Variants in FAM161B observed in about 807,000 individuals in gnomAD.
FAM161B encodes protein FAM161B.
Under a neutral mutation model 61.5 loss-of-function variants are expected in FAM161B, and 46 were observed. That is an observed-to-expected ratio of 0.75 (90% CI 0.59 to 0.96). FAM161B has a LOEUF of 0.96. FAM161B is among the 40% of genes least tolerant of loss of function. The pLI is 0.00. For missense variants in FAM161B, 774 were observed against 800.7 expected (o/e 0.97, Z 0.40); for synonymous variants, 284 against 302.7 (o/e 0.94, Z 0.64).
At chr14:73,939,223 CG>C (rs1644416907) in intron 5 of FAM161B, among the ~76,000 whole-genome samples, 1 of 151,960 alleles carries the variant, frequency 6.6e-6, no homozygotes, top group African/African-American at 2.4e-5. Context: ...TCACTAAACC[CG>C]GGAGGCAGAG....
chr14:73,935,516 G>T (rs1056291636), intron 8 of FAM161B, among the ~76,000 whole-genome samples: 1 of 147,450 alleles, frequency 6.8e-6, no homozygotes, highest in Non-Finnish European at 1.5e-5. Context: ...GCAACAGAGT[G>T]AGACTCTGTC....
chr14:73,935,309 C>T (rs559492625), intron 8 of FAM161B, among the ~76,000 whole-genome samples: 3 of 152,044 alleles, frequency 2.0e-5, no homozygotes, highest in East Asian at 1.9e-4. Context: ...GGGTAGATCA[C>T]GAGGTGAGGA....
Position 73,944,833 on chromosome 14 carries a change from G to T in FAM161B, c.427C>A (p.Pro143Thr). 1 of 1,538,446 alleles carries T rather than the reference G, an allele frequency of 6.5e-7. No individual in the cohort carries two copies. The part of the protein sequence containing the change: ...SSLNNLPSNI[P>T]RPQTQPPSGS... Reference sequence around the variant, plus strand: ...GAGGGTGGCTGGGTCTGAGGCCTGGGAATGTTGGAGGGAAGGTTGTTCAGG... The same window carrying T: ...GAGGGTGGCTGGGTCTGAGGCCTGGTAATGTTGGAGGGAAGGTTGTTCAGG... Residue 143 changes from proline (P) to threonine (T), a missense_variant, in exon 3 of 9, where the codon CCC (proline) becomes ACC (threonine). Physicochemically the swap from Pro to Thr is conservative, Grantham distance 38. Coordinates refer to ENST00000286544, the MANE Select transcript of FAM161B (RefSeq NM_152445.3).
intron 3 of FAM161B, among the ~76,000 whole-genome samples, chr14:73,944,054 C>T (rs1242270709): frequency 6.6e-6 from 1 of 152,214 alleles, no homozygotes; most frequent in Non-Finnish European, 1.5e-5. Flanking sequence ...TCTATTCCTG[C>T]ACCTGTGCTG....
At chr14:73,939,306 A>AAT (rs376446109) in intron 5 of FAM161B, among the ~76,000 whole-genome samples, 3 of 152,214 alleles carry the variant, frequency 2.0e-5, no homozygotes, top group African/African-American at 4.8e-5. Flanking sequence ...CTCGAAAAAA[A>AAT]ATATATATAT....
intron 4 of FAM161B, 53 bp from the exon 5 acceptor site, chr14:73,941,106 ATCTTT>A: frequency 1.7e-6 from 2 of 1,207,116 alleles, no homozygotes; most frequent in Non-Finnish European, 2.2e-6. Flanking sequence ...ATTAGTTTCT[ATCTTT>A]TTTTTTTTTT....
downstream of FAM161B, among the ~76,000 whole-genome samples, chr14:73,930,703 A>G (rs1466024319): frequency 6.6e-6 from 1 of 152,132 alleles, no homozygotes; most frequent in Non-Finnish European, 1.5e-5. Context: ...CCTGGGCTCA[A>G]GTGATCCTCC....
Position 73,932,800 on chromosome 14 carries a change from G to T in FAM161B, c.*1456C>A, listed in dbSNP as rs113089949. 119 of 214,178 alleles carry T rather than the reference G, an allele frequency of 5.6e-4. 1 individual carries two copies. In the East Asian group the frequency reaches 8.1e-3, roughly 15 times the overall value. The allele number at this position is 214,178 out of a possible 1,614,324, so 13.3% of individuals were successfully genotyped here. A position where few individuals can be genotyped will look rare whatever the true frequency, so the allele number is the denominator to read the frequency against. ...CCACCAGTCCAGCTAACTTTTTGTG[G>T]TTTTTTTGGTAGAAATGAGGTCTGT... On this transcript the variant is annotated 3_prime_UTR_variant, in exon 9 of 9. Coordinates refer to ENST00000286544, the MANE Select transcript of FAM161B (RefSeq NM_152445.3).
At chr14:73,943,806 G>A (rs1479577127) in intron 3 of FAM161B, among the ~76,000 whole-genome samples, 2 of 147,504 alleles carry the variant, frequency 1.4e-5, no homozygotes, top group African/African-American at 2.6e-5. Context: ...CAAACTCCAT[G>A]TCTGTGTGTT....
downstream of FAM161B, chr14:73,932,037 A>C (rs149023560): frequency 1.3e-5 from 6 of 456,418 alleles, no homozygotes; most frequent in Non-Finnish European, 2.6e-5. Context: ...TCCCTTTAGC[A>C]ACCTGAGTAA....
Position 73,950,045 on chromosome 14 carries a change from GCAGCGACAGTGA to G in FAM161B, c.-31_-20del. On this transcript the variant is annotated 5_prime_UTR_variant, in exon 1 of 9. Transcript: ENST00000286544. ...CGGTCATTTCAGCTGGACAGAGGCAGCAGCGACAGTGACAGCGATAGTGGCAGCAGCGGTGGC... is the reference window on the plus strand; with the variant it reads ...CGGTCATTTCAGCTGGACAGAGGCAGCAGCGATAGTGGCAGCAGCGGTGGC... 1.9e-6 allele frequency: 3 copies of G among 1,610,826 alleles called. No homozygotes were observed. Among genetic ancestry groups the G allele is most frequent in the East Asian group, 2.2e-5 (1 of 44,878 alleles).
In FAM161B at chr14:73,949,985, C is replaced by T; in HGVS notation, c.42G>A (p.Glu14=). ...GRPEGAPGGA[E]GSRQIFPPES... ...TTTCTCTCCTCACCTGACGGCTCCC[C>T]TCCGCGCCTCCGGGGGCTCCCTCAG... is the stretch of plus-strand genomic sequence containing the variant. Residue 14 remains glutamate (E), a synonymous_variant, in exon 1 of 9, where the codon GAG becomes GAA. Transcript: ENST00000286544. 2 of 1,613,536 alleles carry T rather than the reference C, an allele frequency of 1.2e-6. No homozygotes were observed. Among genetic ancestry groups the T allele is most frequent in the Non-Finnish European group, 1.7e-6 (2 of 1,180,036 alleles).
rs556831483 is a variant in FAM161B, at chr14:73,932,621, C to G, written c.*1635G>C. On this transcript the variant is annotated 3_prime_UTR_variant, in exon 9 of 9. Transcript: ENST00000286544. ...GTCTCCACAGCTACTGAGAAAATATCCACTCATCATCATTATGATTTGAGA... is the reference window on the plus strand; with the variant it reads ...GTCTCCACAGCTACTGAGAAAATATGCACTCATCATCATTATGATTTGAGA... 4.5e-5 allele frequency: 17 copies of G among 381,000 alleles called. No individual in the cohort carries two copies. The highest frequency in any genetic ancestry group is 3.4e-4 in the South Asian group (17 of 49,352). The allele number at this position is 381,000 out of a possible 1,614,324, so 23.6% of individuals were successfully genotyped here. A position where few individuals can be genotyped will look rare whatever the true frequency, so the allele number is the denominator to read the frequency against.
chr14:73,931,589 G>A (rs2140337895), downstream of FAM161B: 1 of 1,568,814 alleles, frequency 6.4e-7, no homozygotes, highest in Non-Finnish European at 8.8e-7. Context: ...ATCTCAAAAT[G>A]CGTATACTGG....
At chr14:73,944,236 A>G (rs550477526) in intron 3 of FAM161B, 99 bp downstream of exon 3, 1 of 1,508,592 alleles carries the variant, frequency 6.6e-7, no homozygotes, top group Admixed American at 2.3e-5. Flanking sequence ...CCAAGCAGCA[A>G]ATCTCCAAGC....
chr14:73,932,147 C>G (rs1199314834), downstream of FAM161B: 3 of 374,426 alleles, frequency 8.0e-6, no homozygotes, highest in East Asian at 2.3e-4. Flanking sequence ...TACTTGGTCA[C>G]TTTGCTTTCT....
chr14:73,931,369 C>G, downstream of FAM161B: 5 of 708,192 alleles, frequency 7.1e-6, no homozygotes, highest in Non-Finnish European at 1.2e-5. Flanking sequence ...CATGTGTTTG[C>G]TTTGGAAGTA....
Position 73,949,962 on chromosome 14 carries a change from T to TC in FAM161B, c.54+10dup, listed in dbSNP as rs765630421. On this transcript the variant is annotated intron_variant, in intron 1 of 8. Coordinates refer to ENST00000286544, the MANE Select transcript of FAM161B (RefSeq NM_152445.3). ...TTCCTTTCCCGGGGGCAGTCTCTTT[T>TC]CTCTCCTCACCTGACGGCTCCCCTC... is the stretch of plus-strand genomic sequence containing the variant. 4 of 1,613,352 alleles carry TC rather than the reference T, an allele frequency of 2.5e-6. No homozygotes were observed. In the Admixed American group the frequency reaches 6.7e-5, roughly 27 times the overall value.
rs78811542 is a variant in FAM161B, at chr14:73,946,676, C to G, written c.55-71G>C. 2,532 of 1,504,452 alleles carry G rather than the reference C, an allele frequency of 1.7e-3. 27 individuals are homozygous for G. The African/African-American group carries it at 0.031, about 18-fold the overall frequency. The allele number at this position is 1,504,452 out of a possible 1,614,324, so 93.2% of individuals were successfully genotyped here. A position where few individuals can be genotyped will look rare whatever the true frequency, so the allele number is the denominator to read the frequency against. ...AGGTATTCAAATCATAACTTAATTT[C>G]GCTTTGAATAAGCTTCTGTATATTA... On this transcript the variant is annotated intron_variant, in intron 1 of 8. Coordinates refer to ENST00000286544, the MANE Select transcript of FAM161B (RefSeq NM_152445.3).
Sources: allele counts gnomAD v4.1 joint callset (sites outside exome capture counted in the v4.1 genomes callset), GRCh38; gene constraint gnomAD v4.1.1; transcripts MANE v1.5; gene names NCBI Gene and HGNC (gene_info 2026-07-23, HGNC 2026-07-21).